Variants in SLITRK4 observed in about 807,000 individuals in gnomAD.
The protein encoded by SLITRK4 is SLIT and NTRK-like protein 4.
SLITRK4 carries 7 observed loss-of-function variants against 34.7 expected under a neutral mutation model. The ratio of observed to expected loss-of-function variants is 0.20; its 90% confidence interval spans 0.11 to 0.38. The LOEUF (loss-of-function observed/expected upper bound fraction) is 0.38, where lower values mean the gene tolerates loss of function less well. SLITRK4 is among the 10% of genes least tolerant of loss of function. The pLI is 1.00. For missense variants in SLITRK4, 474 were observed against 607.0 expected (o/e 0.78, Z 2.30); for synonymous variants, 237 against 246.2 (o/e 0.96, Z 0.35).
chrX:143,630,417 A>G lies in SLITRK4; in HGVS notation c.692T>C (p.Met231Thr). 1 of 1,211,344 alleles carries G rather than the reference A, an allele frequency of 8.3e-7. No homozygotes were observed. The highest frequency in any genetic ancestry group is 1.1e-6 in the Non-Finnish European group (1 of 895,438). The stretch of plus-strand genomic sequence containing the variant: ...TTCTCCTATGTAAATGTTATATGGC[A>G]TGTTCTCCAGCCAAGCTTTTAAGGG... Reference protein sequence around the residue: ...LLPLKAWLENMPYNIYIGEAI... With the variant: ...LLPLKAWLENTPYNIYIGEAI... Residue 231 changes from methionine (M) to threonine (T), a missense_variant, in exon 2 of 2, where the codon ATG becomes ACG. This residue lies in a region of SLITRK4 where 45 missense variants were observed against 99.2 expected (regional missense o/e 0.45). Coordinates refer to ENST00000356928, the MANE Select transcript of SLITRK4 (RefSeq NM_001184749.3).
At chrX:143,632,940 A>G (rs1433782844) in intron 1 of SLITRK4, among the ~76,000 whole-genome samples, 2 of 110,641 alleles carry the variant, frequency 1.8e-5, no homozygotes, top group African/African-American at 6.6e-5. Context: ...TTGTTACTAA[A>G]CCACCACCCC....
rs1433563675 is a variant in SLITRK4 at position 143,626,285 on chromosome X, G to A, written c.*2310C>T. 9.0e-6 allele frequency: 1 copy of A among 111,104 alleles called. No homozygotes were observed. 9.2% of individuals were successfully genotyped at this position (111,104 alleles called of 1,213,427 possible). On this transcript the variant is annotated 3_prime_UTR_variant, in exon 2 of 2. Transcript: ENST00000356928. ...GCATATCAAAAGTCCTTATGAAATT[G>A]TAGATGAAAAAAGCTGTTGGGCACA...
intron 1 of SLITRK4, among the ~76,000 whole-genome samples, chrX:143,632,413 C>A (rs2124333117): frequency 9.0e-6 from 1 of 111,675 alleles, no homozygotes; most frequent in East Asian, 2.8e-4. Flanking sequence ...AAAGATTAAA[C>A]AACACAAGCA....
rs1306554005 is a variant in SLITRK4, at chrX:143,630,183, G to A, written c.926C>T (p.Pro309Leu). 6 of 1,211,758 alleles carry A rather than the reference G, an allele frequency of 5.0e-6. No homozygotes were observed. Among genetic ancestry groups the A allele is most frequent in the Non-Finnish European group, 6.7e-6 (6 of 895,541 alleles). The change falls in exon 2 of 2, where the codon CCT (proline) becomes CTT (leucine). Residue 309 changes from proline (P) to leucine (L), a missense_variant. Around this residue, in one of 3 missense-constraint regions of SLITRK4, gnomAD observed 345 missense variants for 406.5 expected, o/e 0.85. Transcript: ENST00000356928. ...TGCAACGATTCCAGAGATCTTGGAA[G>A]GATTTGTTGTTTTTGGTGGTTTAGT... ...LVTKPPKTTN[P>L]SKISGIVAGK...
rs1930752090 is a variant in SLITRK4, at chrX:143,625,350, G to C, written c.*3245C>G. ...CTGCTTTCTCATAAAATTACACAAA[G>C]TCTTACTTTTAAAGAATTGAATCAT... On this transcript the variant is annotated 3_prime_UTR_variant, in exon 2 of 2. Coordinates refer to ENST00000356928, the MANE Select transcript of SLITRK4 (RefSeq NM_001184749.3). The C allele has an allele frequency of 9.0e-6, 1 of 111,050 alleles. No homozygotes were observed. The highest frequency in any genetic ancestry group is 1.9e-5 in the Non-Finnish European group (1 of 52,696). The allele number at this position is 111,050 out of a possible 1,213,427, so 9.2% of individuals were successfully genotyped here.
Position 143,629,578 on chromosome X carries a change from G to A in SLITRK4, c.1531C>T (p.Leu511=), listed in dbSNP as rs1556426742. 2 of 1,211,500 alleles carry A rather than the reference G, an allele frequency of 1.7e-6. No individual in the cohort carries two copies. The highest frequency in any genetic ancestry group is 3.0e-5 in the East Asian group (1 of 33,811). ...TGATCAAGGACCCCGCTGACAGGCA[G>A]GTACATGAATTTGTTGTTCCTCAGG... ...LNLRNNKFMY[L]PVSGVLDQLQ... is the part of the protein sequence containing the mutation. Residue 511 remains leucine (L), a synonymous_variant, in exon 2 of 2, where the codon CTG becomes TTG. Transcript: ENST00000356928.
intron 1 of SLITRK4, among the ~76,000 whole-genome samples, chrX:143,633,612 C>T (rs1175365121): frequency 9.0e-6 from 1 of 110,900 alleles, no homozygotes; most frequent in African/African-American, 3.3e-5. Context: ...CAGCGCCTGG[C>T]ACTCCGCGAC....
At position 143,628,131 on chromosome X, in the gene SLITRK4, T is replaced by TTA; in HGVS notation, c.*463_*464insTA. On this transcript the variant is annotated 3_prime_UTR_variant, in exon 2 of 2. Coordinates refer to ENST00000356928, the MANE Select transcript of SLITRK4 (RefSeq NM_001184749.3). ...TTTTTTTTTTTTTTTTTTTTTTACT[T>TTA]TTCAGATAATCTTTACACGGAGTTG... The TTA allele has an allele frequency of 5.0e-6, 1 of 198,717 alleles. No homozygotes were observed. The highest frequency in any genetic ancestry group is 8.6e-6 in the Non-Finnish European group (1 of 115,868). 16.4% of individuals were successfully genotyped at this position (198,717 alleles called of 1,213,427 possible).
In SLITRK4 at chrX:143,628,971, T is replaced by C. The variant is rs1311780660; in HGVS notation, c.2138A>G (p.Asp713Gly). ...KESETGFMFS[D>G]PPGQKVVMRN... ...CATAACAACTTTCTGTCCTGGAGGA[T>C]CTGAAAACATGAACCCAGTTTCTGA... Residue 713 changes from aspartate (D) to glycine (G), a missense_variant, in exon 2 of 2, where the codon GAT becomes GGT. Physicochemically the swap from Asp to Gly is moderately conservative, Grantham distance 94 (BLOSUM62 -1). Coordinates refer to ENST00000356928, the MANE Select transcript of SLITRK4 (RefSeq NM_001184749.3). 8.3e-7 allele frequency: 1 copy of C among 1,209,713 alleles called. No individual in the cohort carries two copies. Among genetic ancestry groups the C allele is most frequent in the Admixed American group, 2.2e-5 (1 of 45,747 alleles).
rs1214225469 is a variant in SLITRK4 at position 143,625,336 on chromosome X, T to C, written c.*3259A>G. The C allele has an allele frequency of 1.8e-5, 2 of 111,837 alleles. No individual in the cohort carries two copies. Among genetic ancestry groups the C allele is most frequent in the Non-Finnish European group, 3.8e-5 (2 of 52,865 alleles). The allele number at this position is 111,837 out of a possible 1,213,427, so 9.2% of individuals were successfully genotyped here. A position where few individuals can be genotyped will look rare whatever the true frequency, so the allele number is the denominator to read the frequency against. ...CTCTACTTTAATAGCTGCTTTCTCATAAAATTACACAAAGTCTTACTTTTA... is the reference window on the plus strand; with the variant it reads ...CTCTACTTTAATAGCTGCTTTCTCACAAAATTACACAAAGTCTTACTTTTA... On this transcript the variant is annotated 3_prime_UTR_variant, in exon 2 of 2. Transcript: ENST00000356928.
Position 143,630,771 on chromosome X carries a change from T to A in SLITRK4, c.338A>T (p.His113Leu). 1 of 1,211,741 alleles carries A rather than the reference T, an allele frequency of 8.3e-7. No homozygotes were observed. Among genetic ancestry groups the A allele is most frequent in the African/African-American group, 1.7e-5 (1 of 57,895 alleles). Reference sequence around the variant, plus strand: ...AATCTTTAATTCATTGTTGTTCAAGTGCAACTGCTTTAATGCACTGAGCCC... The same window carrying A: ...AATCTTTAATTCATTGTTGTTCAAGAGCAACTGCTTTAATGCACTGAGCCC... ...FLGLSALKQLHLNNNELKILR... is the reference protein window; with the variant it reads ...FLGLSALKQLLLNNNELKILR... Residue 113 changes from histidine (H) to leucine (L), a missense_variant, in exon 2 of 2, where the codon CAC becomes CTC. Physicochemically the swap from His to Leu is moderately conservative, Grantham distance 99. This residue lies in a region of SLITRK4 where 84 missense variants were observed against 101.3 expected (regional missense o/e 0.83). Transcript: ENST00000356928.
At chrX:143,633,974 C>A (rs1479669079) in intron 1 of SLITRK4, among the ~76,000 whole-genome samples, 2 of 112,778 alleles carry the variant, frequency 1.8e-5, no homozygotes, top group Admixed American at 9.2e-5. Flanking sequence ...CCTTCAGTCC[C>A]GCCGCTCACA....
Position 143,629,313 on chromosome X carries a change from G to A in SLITRK4, c.1796C>T (p.Thr599Ile). The stretch of plus-strand genomic sequence containing the variant: ...AATGGGACCCAAAGGAGTGGTGAAT[G>A]TAATGGCAGGTGCAGGGCTTGTGAA... ...APFTSPAPAITFTTPLGPIRS... is the reference protein window; with the variant it reads ...APFTSPAPAIIFTTPLGPIRS... The change falls in exon 2 of 2, where the codon ACA becomes ATA. Residue 599 changes from threonine (T) to isoleucine (I), a missense_variant. Physicochemically the swap from Thr to Ile is moderately conservative, Grantham distance 89. Coordinates refer to ENST00000356928, the MANE Select transcript of SLITRK4 (RefSeq NM_001184749.3). 1.7e-6 allele frequency: 2 copies of A among 1,212,065 alleles called. No homozygotes were observed. Among genetic ancestry groups the A allele is most frequent in the Non-Finnish European group, 2.2e-6 (2 of 895,536 alleles).
chrX:143,634,758 C>T (rs1421700202), intron 1 of SLITRK4: 2 of 94,838 alleles, frequency 2.1e-5, no homozygotes, highest in African/African-American at 6.9e-5. Flanking sequence ...AGATCTCTCT[C>T]TCTCTCTCTG....
Position 143,626,371 on chromosome X carries a change from T to A in SLITRK4, c.*2224A>T, listed in dbSNP as rs1233433720. On this transcript the variant is annotated 3_prime_UTR_variant, in exon 2 of 2. Transcript: ENST00000356928. ...ATTTGTTTGAATTATTTTATATTCATATAAAGTTTTCACAGATGTCATAAA... is the reference window on the plus strand; with the variant it reads ...ATTTGTTTGAATTATTTTATATTCAAATAAAGTTTTCACAGATGTCATAAA... 4 of 111,312 alleles carry A rather than the reference T, an allele frequency of 3.6e-5. No individual in the cohort carries two copies. The highest frequency in any genetic ancestry group is 1.3e-4 in the African/African-American group (4 of 30,726). 9.2% of individuals were successfully genotyped at this position (111,312 alleles called of 1,213,427 possible).
In SLITRK4 at chrX:143,623,131, T is replaced by A. The variant is rs1930684721; in HGVS notation, c.*5464A>T. The A allele has an allele frequency of 9.0e-6, 1 of 111,436 alleles. No homozygotes were observed. The highest frequency in any genetic ancestry group is 1.9e-5 in the Non-Finnish European group (1 of 52,971). 9.2% of individuals were successfully genotyped at this position (111,436 alleles called of 1,213,427 possible). On this transcript the variant is annotated 3_prime_UTR_variant, in exon 2 of 2. Coordinates refer to ENST00000356928, the MANE Select transcript of SLITRK4 (RefSeq NM_001184749.3). Reference sequence around the variant, plus strand: ...ACTGCTCTATGGTTATTCATTATATTATTAATATTATTTCTCTGAAGGCCT... The same window carrying A: ...ACTGCTCTATGGTTATTCATTATATAATTAATATTATTTCTCTGAAGGCCT...
intron 1 of SLITRK4, 35 bp from the exon 2 acceptor site, chrX:143,631,193 C>G (rs1354766442): frequency 6.4e-6 from 5 of 777,257 alleles, no homozygotes; most frequent in Non-Finnish European, 7.1e-6. Flanking sequence ...TTTCAATGGT[C>G]ATTACTTGAA....
Position 143,629,024 on chromosome X carries a change from G to C in SLITRK4, c.2085C>G (p.Ser695Arg), listed in dbSNP as rs782180692. 8.3e-7 allele frequency: 1 copy of C among 1,211,471 alleles called. No individual in the cohort carries two copies. Among genetic ancestry groups the C allele is most frequent in the Admixed American group, 2.2e-5 (1 of 46,032 alleles). Residue 695 changes from serine to arginine, a missense_variant, in exon 2 of 2, where the codon AGC (serine) becomes AGG (arginine). Physicochemically the swap from Ser to Arg is moderately radical, Grantham distance 110. This residue lies in a region of SLITRK4 where 345 missense variants were observed against 406.5 expected (regional missense o/e 0.85). Coordinates refer to ENST00000356928, the MANE Select transcript of SLITRK4 (RefSeq NM_001184749.3). The stretch of plus-strand genomic sequence containing the variant: ...CTTTCAAGCCACAAGTGTGGCTCTT[G>C]CTCATCTGTTCTATAGTTTGTGGAA... ...AFIPQTIEQM[S>R]KSHTCGLKES... is the part of the protein sequence containing the mutation.
intron 1 of SLITRK4, chrX:143,635,069 C>G (rs1931187949): frequency 1.9e-5 from 2 of 107,097 alleles, no homozygotes; most frequent in African/African-American, 6.8e-5. Context: ...CGCACCCGAG[C>G]AGACACCGCG....
Sources: allele counts gnomAD v4.1 joint callset (sites outside exome capture counted in the v4.1 genomes callset), GRCh38; gene constraint gnomAD v4.1.1; regional missense constraint gnomAD v4.1.1; transcripts MANE v1.5; gene names NCBI Gene and HGNC (gene_info 2026-07-23, HGNC 2026-07-21).